LNPEP: variants seen among roughly 807,000 people sequenced by gnomAD.
LNPEP encodes the protein leucyl and cystinyl aminopeptidase.
In LNPEP, 64 loss-of-function variants were observed where a neutral mutation model predicts 120.6. The observed-to-expected ratio is 0.53, with a 90% CI of 0.43 to 0.65. The LOEUF (loss-of-function observed/expected upper bound fraction) is 0.65, where lower values mean the gene tolerates loss of function less well. Among genes scored for constraint, LNPEP ranks in the 30% least tolerant of loss-of-function variants. LNPEP has a pLI of 0.00. For synonymous variants in LNPEP, 435 were observed against 425.4 expected, an observed-to-expected ratio of 1.02 and a Z score of -0.28; for missense variants, 1,057 against 1,200.0, an observed-to-expected ratio of 0.88 and a Z score of 1.76.
rs1791443963 is a variant in LNPEP at position 97,030,394 on chromosome 5, A to T, written c.*1861A>T. Reference sequence around the variant, plus strand: ...TTTTTATATTTTTAGAGTGAGGGAAAAATACTAAACTTTTGAGAGTTTTGT... The same window carrying T: ...TTTTTATATTTTTAGAGTGAGGGAATAATACTAAACTTTTGAGAGTTTTGT... On this transcript the variant is annotated 3_prime_UTR_variant, in exon 18 of 18. Coordinates refer to ENST00000231368, the MANE Select transcript of LNPEP (RefSeq NM_005575.3). The T allele has an allele frequency of 6.6e-6, 1 of 152,182 alleles. No homozygotes were observed. Among genetic ancestry groups the T allele is most frequent in the Admixed American group, 6.5e-5 (1 of 15,282 alleles). 9.4% of individuals were successfully genotyped at this position (152,182 alleles called of 1,614,324 possible). A position where few individuals can be genotyped will look rare whatever the true frequency, so the allele number is the denominator to read the frequency against.
chr5:96,968,513 A>G (rs1210015655), intron 1 of LNPEP, among the ~76,000 whole-genome samples: 2 of 152,156 alleles, frequency 1.3e-5, no homozygotes, highest in Admixed American at 1.3e-4. Context: ...GGCCCATTTA[A>G]GGATTTCTTT....
chr5:97,024,972 T>A (rs558912467), intron 15 of LNPEP, among the ~76,000 whole-genome samples: 1 of 152,330 alleles, frequency 6.6e-6, no homozygotes, highest in African/African-American at 2.4e-5. Flanking sequence ...ACACCACAAT[T>A]GGTACTCCAT....
rs1051832177 is a variant in LNPEP at position 96,999,025 on chromosome 5, C to T, written c.1653+880C>T. ...TTTTTTCAGAGAGTCAGTGTTTGAC[C>T]ACAGTGGAAGCCACACGTGAAGAGG... is the stretch of plus-strand genomic sequence containing the variant. On this transcript the variant is annotated intron_variant, in intron 8 of 17. Transcript: ENST00000231368. Among the ~76,000 whole-genome samples, 7 of 152,144 alleles carry T rather than the reference C, an allele frequency of 4.6e-5. No individual in the cohort carries two copies. In the South Asian group the frequency reaches 6.2e-4, roughly 14 times the overall value.
rs768034266 is a variant in LNPEP at position 97,003,412 on chromosome 5, T to C, written c.1654-3T>C. ...TCTTTTTCCTCACTTTTTTTTTTAA[T>C]AGGGATCTTCTCTCTTGTTGATGTT... On this transcript the variant is annotated splice_polypyrimidine_tract_variant and splice_region_variant and intron_variant, in intron 8 of 17. Coordinates refer to ENST00000231368, the MANE Select transcript of LNPEP (RefSeq NM_005575.3). 1.3e-6 allele frequency: 2 copies of C among 1,500,968 alleles called. No individual in the cohort carries two copies. The highest frequency in any genetic ancestry group is 2.0e-5 in the Admixed American group (1 of 49,068). The allele number at this position is 1,500,968 out of a possible 1,614,324, so 93.0% of individuals were successfully genotyped here. A position where few individuals can be genotyped will look rare whatever the true frequency, so the allele number is the denominator to read the frequency against.
intron 13 of LNPEP, among the ~76,000 whole-genome samples, chr5:97,016,037 T>G (rs1791061195): frequency 6.6e-6 from 1 of 152,130 alleles, no homozygotes; most frequent in South Asian, 2.1e-4. Context: ...ATCACCTGCA[T>G]GATTCTCAGT....
At chr5:97,026,577 G>T in intron 15 of LNPEP, 40 bp from the exon 16 acceptor site, 1 of 1,553,742 alleles carries the variant, frequency 6.4e-7, no homozygotes, top group South Asian at 1.1e-5. Context: ...ACTTCTTCAT[G>T]AATAATAATT....
At chr5:97,012,607 A>G (rs1191635570) in intron 11 of LNPEP, among the ~76,000 whole-genome samples, 1 of 152,198 alleles carries the variant, frequency 6.6e-6, no homozygotes, top group Non-Finnish European at 1.5e-5. Context: ...TCTATTAAAT[A>G]ATAGTAAACC....
At chr5:96,939,363 G>A (rs1343005398) in intron 1 of LNPEP, among the ~76,000 whole-genome samples, 1 of 151,754 alleles carries the variant, frequency 6.6e-6, no homozygotes, top group African/African-American at 2.4e-5. Flanking sequence ...ACAGGCGCCC[G>A]CCACCATGCC....
At chr5:96,986,817 T>C (rs1376328088) in intron 4 of LNPEP, 147 bp downstream of exon 4, 3 of 747,860 alleles carry the variant, frequency 4.0e-6, no homozygotes, top group African/African-American at 1.8e-5. Context: ...GCTACTTTTT[T>C]GCTTAGCTGT....
chr5:96,996,187 A>G (rs1013288649), intron 6 of LNPEP: 14 of 391,470 alleles, frequency 3.6e-5, no homozygotes, highest in Admixed American at 1.8e-4. Context: ...ATTAAAAATT[A>G]TATTTTATTT....
At chr5:97,008,815 C>CA (rs1561450642) in intron 11 of LNPEP, among the ~76,000 whole-genome samples, 2 of 151,926 alleles carry the variant, frequency 1.3e-5, no homozygotes, top group Non-Finnish European at 2.9e-5. Context: ...CAGGCGCCTG[C>CA]CACCATGCCC....
intron 2 of LNPEP, 75 bp downstream of exon 2, chr5:96,980,053 A>G (rs1256363265): frequency 2.9e-6 from 4 of 1,367,902 alleles, no homozygotes; most frequent in East Asian, 2.3e-5. Flanking sequence ...TGTCCACACC[A>G]GAGACACGAA....
chr5:97,010,475 A>C, intron 11 of LNPEP: 1 of 985,388 alleles, frequency 1.0e-6, no homozygotes, highest in Non-Finnish European at 1.2e-6. Context: ...TAGAGAAGGG[A>C]ATGCTTTTGA....
intron 1 of LNPEP, among the ~76,000 whole-genome samples, chr5:96,966,845 T>A (rs1311736132): frequency 6.6e-6 from 1 of 152,126 alleles, no homozygotes; most frequent in Non-Finnish European, 1.5e-5. Flanking sequence ...TCTTTCTCTT[T>A]AAGATTCATT....
chr5:97,022,415 A>G lies in LNPEP; in HGVS notation c.2492A>G (p.Asn831Ser). The G allele has an allele frequency of 6.2e-7, 1 of 1,613,970 alleles. No individual in the cohort carries two copies. The highest frequency in any genetic ancestry group is 1.1e-5 in the South Asian group (1 of 91,066). Residue 831 changes from asparagine (N) to serine (S), a missense_variant, in exon 14 of 18, where the codon AAC becomes AGC. Physicochemically the swap from Asn to Ser is conservative, Grantham distance 46. Coordinates refer to ENST00000231368, the MANE Select transcript of LNPEP (RefSeq NM_005575.3). ...SALLEFACTH[N>S]LGNCSTTAMK... is the part of the protein sequence containing the mutation. ...CTGCTAGAGTTTGCTTGCACCCACAACCTGGGGAACTGCTCTACTACTGCC... is the reference window on the plus strand; with the variant it reads ...CTGCTAGAGTTTGCTTGCACCCACAGCCTGGGGAACTGCTCTACTACTGCC...
intron 1 of LNPEP, among the ~76,000 whole-genome samples, chr5:96,940,831 C>G (rs576917650): frequency 6.6e-6 from 1 of 152,144 alleles, no homozygotes; most frequent in Admixed American, 6.5e-5. Context: ...AATTAGTCAC[C>G]TCATGACTTG....
At position 97,003,399 on chromosome 5, in the gene LNPEP, CT is replaced by C. The variant is rs531968447; in HGVS notation, c.1654-6del. 0.062 allele frequency: 21,979 copies of C among 357,230 alleles called. 217 individuals are homozygous for C. The highest frequency in any genetic ancestry group is 0.08 in the Middle Eastern group (61 of 764). 22.1% of individuals were successfully genotyped at this position (357,230 alleles called of 1,614,324 possible). A position where few individuals can be genotyped will look rare whatever the true frequency, so the allele number is the denominator to read the frequency against. On this transcript the variant is annotated splice_polypyrimidine_tract_variant and intron_variant, in intron 8 of 17. Coordinates refer to ENST00000231368, the MANE Select transcript of LNPEP (RefSeq NM_005575.3). ...CTATTATTTTCTTTCTTTTTCCTCA[CT>C]TTTTTTTTTAATAGGGATCTTCTCT...
chr5:96,992,559 G>A (rs1198427719), intron 4 of LNPEP, among the ~76,000 whole-genome samples: 1 of 152,164 alleles, frequency 6.6e-6, no homozygotes, highest in Non-Finnish European at 1.5e-5. Flanking sequence ...AGTGTTGAGT[G>A]CCTGCTAGAT....
intron 1 of LNPEP, among the ~76,000 whole-genome samples, chr5:96,943,666 T>G (rs1789114338): frequency 6.6e-6 from 1 of 152,192 alleles, no homozygotes; most frequent in East Asian, 1.9e-4. Context: ...AACCAATTAA[T>G]TTTTTTAAAA....
Sources: allele counts gnomAD v4.1 joint callset (sites outside exome capture counted in the v4.1 genomes callset), GRCh38; gene constraint gnomAD v4.1.1; transcripts MANE v1.5; gene names NCBI Gene and HGNC (gene_info 2026-07-23, HGNC 2026-07-21).